PIEZO2: variants seen among roughly 807,000 people sequenced by gnomAD.
PIEZO2 encodes piezo type mechanosensitive ion channel component 2, also known as piezo-type mechanosensitive ion channel component 2.
A neutral mutation model predicts 337.3 loss-of-function variants in PIEZO2; 172 were observed. That is an observed-to-expected ratio of 0.51 (90% confidence interval 0.45 to 0.58). The LOEUF (loss-of-function observed/expected upper bound fraction) is 0.58, where lower values mean the gene tolerates loss of function less well. Among genes scored for constraint, PIEZO2 ranks in the 20% least tolerant of loss-of-function variants. PIEZO2 has a pLI of 0.00. For missense variants in PIEZO2, 3,028 were observed against 3,391.3 expected (o/e 0.89, Z 2.66); for synonymous variants, 1,251 against 1,228.5 (o/e 1.02, Z -0.38).
intron 3 of PIEZO2, among the ~76,000 whole-genome samples, chr18:10,926,424 A>G (rs911344522): frequency 2.9e-4 from 44 of 152,170 alleles, no homozygotes; most frequent in African/African-American, 1.0e-3. Context: ...ATTTTTGGTG[A>G]CTATCTTAGC....
chr18:10,968,974 G>A (rs2034127160), intron 3 of PIEZO2, among the ~76,000 whole-genome samples: 1 of 152,078 alleles, frequency 6.6e-6, no homozygotes, highest in South Asian at 2.1e-4. Context: ...GGAAAAAATG[G>A]TTTTTATTTA....
rs2865127 is a variant in PIEZO2, at chr18:10,766,230, C to A, written c.2947-3132G>T. On this transcript the variant is annotated intron_variant, in intron 21 of 55. Coordinates refer to ENST00000674853, the MANE Select transcript of PIEZO2 (RefSeq NM_001378183.1). The surrounding 1 kb of genome is among the most constrained non-coding windows in gnomAD (Gnocchi z 6.1). ...GGAAAGAAGAAGAAAGAAGGAGGAA[C>A]AGGAGGAGGAGGAGGGATAAGGAAG... Among the ~76,000 whole-genome samples the A allele has an allele frequency of 6.7e-6, 1 of 149,910 alleles. No individual in the cohort carries two copies. The highest frequency in any genetic ancestry group is 2.0e-4 in the East Asian group (1 of 5,016).
intron 2 of PIEZO2, among the ~76,000 whole-genome samples, chr18:11,046,376 A>G (rs1023256612): frequency 2.6e-5 from 4 of 152,260 alleles, no homozygotes; most frequent in African/African-American, 9.6e-5. Context: ...AAATGTGGTC[A>G]GCACAGCCTG....
chr18:10,731,416 A>T lies in PIEZO2; in HGVS notation c.5020T>A (p.Ser1674Thr). 2 of 1,533,752 alleles carry T rather than the reference A, an allele frequency of 1.3e-6. No homozygotes were observed. Among genetic ancestry groups the T allele is most frequent in the Non-Finnish European group, 1.7e-6 (2 of 1,145,086 alleles). ...CCCACCCACCACTCACCCTCCTTGG[A>T]TCCTTTCCGCCTTCGTTTCCGTTCT... ...REERKRRRKG[S>T]KEGPVEWEDR... Residue 1674 changes from serine to threonine, a missense_variant, in exon 36 of 56, where the codon TCC becomes ACC. Ser to Thr is a moderately conservative substitution (Grantham distance 58). This residue lies in a region of PIEZO2 where 1,925 missense variants were observed against 2,051.9 expected (regional missense o/e 0.94). Coordinates refer to ENST00000674853, the MANE Select transcript of PIEZO2 (RefSeq NM_001378183.1).
intron 2 of PIEZO2, among the ~76,000 whole-genome samples, chr18:11,014,606 T>C (rs2036028601): frequency 7.6e-6 from 1 of 132,112 alleles, no homozygotes; most frequent in Non-Finnish European, 1.6e-5. Flanking sequence ...GGGCCCCTCA[T>C]TCCTCAGTGG....
chr18:10,860,025 A>G (rs2041831972), intron 5 of PIEZO2, among the ~76,000 whole-genome samples: 1 of 152,166 alleles, frequency 6.6e-6, no homozygotes, highest in Non-Finnish European at 1.5e-5. Flanking sequence ...GAGGACAGAC[A>G]GGAGGGAGGC....
In PIEZO2 at chr18:10,705,381, G is replaced by A. The variant is rs2035533503; in HGVS notation, c.5954C>T (p.Pro1985Leu). The stretch of plus-strand genomic sequence containing the variant: ...GGCCGTCAGCTCATGGGTCAGGGGA[G>A]GTAAGATGCTGGACCCCAGCTTGTC... ...RTDKLGSSILPPLTHELTASE... is the reference protein window; with the variant it reads ...RTDKLGSSILLPLTHELTASE... The change falls in exon 41 of 56, where the codon CCT becomes CTT. Residue 1985 changes from proline to leucine, a missense_variant. Around this residue, in one of 5 missense-constraint regions of PIEZO2, gnomAD observed 1,925 missense variants for 2,051.9 expected, o/e 0.94. Coordinates refer to ENST00000674853, the MANE Select transcript of PIEZO2 (RefSeq NM_001378183.1). 3.3e-6 allele frequency: 5 copies of A among 1,537,094 alleles called. No individual in the cohort carries two copies. Among genetic ancestry groups the A allele is most frequent in the Non-Finnish European group, 4.4e-6 (5 of 1,146,896 alleles).
rs1168281608 is a variant in PIEZO2, at chr18:10,830,998, T to A, written c.918-23724A>T. ...ACAAATTATCTCACCCCAGCTGAAGTGGCTTTTATCCAAACAAAGGCAATA... is the reference window on the plus strand; with the variant it reads ...ACAAATTATCTCACCCCAGCTGAAGAGGCTTTTATCCAAACAAAGGCAATA... On this transcript the variant is annotated intron_variant, in intron 7 of 55. Coordinates refer to ENST00000674853, the MANE Select transcript of PIEZO2 (RefSeq NM_001378183.1). The surrounding 1 kb of genome is among the most constrained non-coding windows in gnomAD (Gnocchi z 4.7). Among the ~76,000 whole-genome samples the A allele has an allele frequency of 6.6e-6, 1 of 152,150 alleles. No homozygotes were observed. Among genetic ancestry groups the A allele is most frequent in the South Asian group, 2.1e-4 (1 of 4,832 alleles).
chr18:10,822,540 G>T (rs2040548330), intron 7 of PIEZO2, among the ~76,000 whole-genome samples: 1 of 152,154 alleles, frequency 6.6e-6, no homozygotes, highest in Non-Finnish European at 1.5e-5. Context: ...GGAGCACCAG[G>T]CTCCTTTCTG....
chr18:10,672,835 C>T lies in PIEZO2; in HGVS notation c.8200G>A (p.Asp2734Asn). Residue 2734 changes from aspartate to asparagine, a missense_variant, in exon 55 of 56, where the codon GAC becomes AAC. Asp to Asn is a conservative substitution (Grantham distance 23). Transcript: ENST00000674853. This position sits in a 1 kb window ranked among gnomAD's most constrained non-coding sequence, Gnocchi z 4.7. ...TCACTGTTATATTTAGTTGTATTGTCTCTGGACAAAATGATGGTAATATCC... is the reference window on the plus strand; with the variant it reads ...TCACTGTTATATTTAGTTGTATTGTTTCTGGACAAAATGATGGTAATATCC... ...FMDITIILSRDNTTKYNSEWW... is the reference protein window; with the variant it reads ...FMDITIILSRNNTTKYNSEWW... 6.2e-7 allele frequency: 1 copy of T among 1,609,910 alleles called. No homozygotes were observed. The highest frequency in any genetic ancestry group is 8.5e-7 in the Non-Finnish European group (1 of 1,178,118).
At chr18:11,089,874 G>C (rs2039020293) in intron 1 of PIEZO2, among the ~76,000 whole-genome samples, 1 of 152,180 alleles carries the variant, frequency 6.6e-6, no homozygotes, top group Non-Finnish European at 1.5e-5. Flanking sequence ...CCCTGACCTA[G>C]CCTCTGATAA....
intron 7 of PIEZO2, among the ~76,000 whole-genome samples, chr18:10,816,707 G>T (rs990243597): frequency 8.9e-4 from 135 of 152,028 alleles, no homozygotes; most frequent in Non-Finnish European, 9.9e-4. Flanking sequence ...GTCAAGTTAA[G>T]GCAAAATGAG....
At position 10,784,236 on chromosome 18, in the gene PIEZO2, G is replaced by A. The variant is rs1243387278; in HGVS notation, c.2492+548C>T. ...CAAACAATGTATATTTATTGATGAG[G>A]ATAAAACAGCCGTAAGCTGCTAAAA... On this transcript the variant is annotated intron_variant, in intron 17 of 55. Transcript: ENST00000674853. This position sits in a 1 kb window ranked among gnomAD's most constrained non-coding sequence, Gnocchi z 4.5. 5.9e-5 allele frequency among the ~76,000 whole-genome samples: 9 copies of A among 152,304 alleles called. No individual in the cohort carries two copies. In the East Asian group the frequency reaches 1.4e-3, roughly 23 times the overall value.
rs2038249207 is a variant in PIEZO2, at chr18:11,069,042, CA to C, written c.65-2821del. Reference sequence around the variant, plus strand: ...GAATCGGTGATAAAAAGTCTCCCCTCAAAAATAAATGAATAAATAAATAAAA... The same window carrying C: ...GAATCGGTGATAAAAAGTCTCCCCTCAAAATAAATGAATAAATAAATAAAA... On this transcript the variant is annotated intron_variant, in intron 1 of 55. Coordinates refer to ENST00000674853, the MANE Select transcript of PIEZO2 (RefSeq NM_001378183.1). The surrounding 1 kb of genome is among the most constrained non-coding windows in gnomAD (Gnocchi z 4.9). 6.6e-6 allele frequency among the ~76,000 whole-genome samples: 1 copy of C among 151,578 alleles called. No homozygotes were observed. The highest frequency in any genetic ancestry group is 6.6e-5 in the Admixed American group (1 of 15,208).
rs186353290 is a variant in PIEZO2 at position 11,096,973 on chromosome 18, A to G, written c.65-30751T>C. On this transcript the variant is annotated intron_variant, in intron 1 of 55. Coordinates refer to ENST00000674853, the MANE Select transcript of PIEZO2 (RefSeq NM_001378183.1). This position sits in a 1 kb window ranked among gnomAD's most constrained non-coding sequence, Gnocchi z 4.6. The stretch of plus-strand genomic sequence containing the variant: ...AGATTTTCACTTGCTTTGTCTAGGA[A>G]AGATTTAAATGCCTAACGCCAGCAA... Among the ~76,000 whole-genome samples the G allele has an allele frequency of 6.6e-6, 1 of 152,232 alleles. No individual in the cohort carries two copies. The highest frequency in any genetic ancestry group is 1.9e-4 in the East Asian group (1 of 5,198).
chr18:10,938,225 T>G (rs2032514082), intron 3 of PIEZO2, among the ~76,000 whole-genome samples: 1 of 152,240 alleles, frequency 6.6e-6, no homozygotes. Context: ...GTCTTAGACC[T>G]CTCATCTGTG....
rs1555669500 is a variant in PIEZO2, at chr18:10,886,343, T to TACACAC, written c.330-14934_330-14929dup. Among the ~76,000 whole-genome samples, 90 of 23,710 alleles carry TACACAC rather than the reference T, an allele frequency of 3.8e-3. 17 individuals carry two copies. In the Middle Eastern group the frequency reaches 0.079, roughly 21 times the overall value. The allele number at this position is 23,710 out of a possible 152,430, so 15.6% of individuals were successfully genotyped here. ...ACATACATATATATATATATATATATACACACACACACACACACATATATA... is the reference window on the plus strand; with the variant it reads ...ACATACATATATATATATATATATATACACACACACACACACACACACACATATATA... On this transcript the variant is annotated intron_variant, in intron 4 of 55. Coordinates refer to ENST00000674853, the MANE Select transcript of PIEZO2 (RefSeq NM_001378183.1).
At chr18:10,925,534 G>C (rs1366187522) in intron 3 of PIEZO2, among the ~76,000 whole-genome samples, 2 of 152,246 alleles carry the variant, frequency 1.3e-5, no homozygotes, top group East Asian at 1.9e-4. Flanking sequence ...AAAATAAAGA[G>C]GGAGGAGATA....
At chr18:10,731,553 C>A (rs1318332948) in intron 35 of PIEZO2, 32 bp from the exon 36 acceptor site, 3 of 1,397,538 alleles carry the variant, frequency 2.1e-6, no homozygotes, top group East Asian at 2.7e-5. Flanking sequence ...ATTTTCTGGC[C>A]TTTTAATAAT....
Sources: gnomAD v4.1 joint callset for allele counts (sites outside exome capture counted in the v4.1 genomes callset) on GRCh38, gnomAD v4.1.1 for gene constraint, gnomAD v4.1.1 regional missense constraint, Gnocchi (gnomAD v3.1) non-coding constraint, MANE v1.5 for transcripts, NCBI Gene and HGNC (gene_info 2026-07-23, HGNC 2026-07-21) for gene names.